The following AGO1 variants were observed in gnomAD, a reference collection of about 807,000 sequenced individuals.
AGO1 encodes argonaute RISC component 1, also known as protein argonaute-1.
Under a neutral mutation model 109.2 loss-of-function variants are expected in AGO1, and 11 were observed. The observed-to-expected ratio is 0.10, with a 90% CI of 0.06 to 0.17. AGO1 has a LOEUF of 0.17. Ranked by LOEUF, AGO1 falls within the 10% of genes least tolerant of loss-of-function variation. The probability of loss-of-function intolerance (pLI) is 1.00; values close to 1 mark genes in which losing one functional copy is unlikely to be tolerated. For missense variants in AGO1, 574 were observed against 1,140.3 expected (o/e 0.50, Z 7.15); for synonymous variants, 422 against 418.6 (o/e 1.01, Z -0.10).
At chr1:35,881,673 G>A (rs538938821), upstream of AGO1, among the ~76,000 whole-genome samples, 6 of 152,328 alleles carry the variant, frequency 3.9e-5, no homozygotes, top group South Asian at 1.0e-3. Context: ...GTTGCTGTTT[G>A]AGAACCTCTA....
At chr1:35,886,755 T>C (rs1645127255) in intron 1 of AGO1, among the ~76,000 whole-genome samples, 1 of 152,204 alleles carries the variant, frequency 6.6e-6, no homozygotes, top group Admixed American at 6.5e-5. Context: ...GTGCTGTGTG[T>C]GCTTGTGTGT....
upstream of AGO1, among the ~76,000 whole-genome samples, chr1:35,882,567 C>T (rs1280124041): frequency 6.6e-6 from 1 of 152,178 alleles, no homozygotes; most frequent in Non-Finnish European, 1.5e-5. This position sits in a 1 kb window ranked among gnomAD's most constrained non-coding sequence, Gnocchi z 5.1. Context: ...ATTGACAGTT[C>T]AGGCATGAAC....
At chr1:35,912,857 C>G (rs1362994212) in intron 12 of AGO1, among the ~76,000 whole-genome samples, 1 of 152,170 alleles carries the variant, frequency 6.6e-6, no homozygotes, top group Non-Finnish European at 1.5e-5. Flanking sequence ...CAGGCGTAAG[C>G]CACCGTGCCC....
rs557703795 is a variant in AGO1 at position 35,890,243 on chromosome 1, A to T, written c.209+1633A>T. On this transcript the variant is annotated intron_variant, in intron 2 of 18. Coordinates refer to ENST00000373204, the MANE Select transcript of AGO1 (RefSeq NM_012199.5). ...TCACTATGTTGGCCAGGCTGGTCTC[A>T]AACTCCTGACCTCAAGCAGTCTGCC... Among the ~76,000 whole-genome samples the T allele has an allele frequency of 1.1e-3, 161 of 152,004 alleles. 1 individual carries two copies. The highest frequency in any genetic ancestry group is 1.9e-3 in the Non-Finnish European group (129 of 67,960).
At chr1:35,872,475 C>T (rs920440685) in intron 1 of AGO1, among the ~76,000 whole-genome samples, 5 of 152,114 alleles carry the variant, frequency 3.3e-5, no homozygotes, top group Admixed American at 6.6e-5. Flanking sequence ...TGTGAGCCAC[C>T]GCGCCTGGCC....
In AGO1 at chr1:35,919,369, C is replaced by G; in HGVS notation, c.2465+115C>G. ...CTGTCCAATTTGGTGTCATTGGGCT[C>G]GTCTGCCCAATCCTGGGTTGGGTTT... is the stretch of plus-strand genomic sequence containing the variant. On this transcript the variant is annotated intron_variant, in intron 18 of 18. Transcript: ENST00000373204. The surrounding 1 kb of genome is among the most constrained non-coding windows in gnomAD (Gnocchi z 6.6). 1 of 1,441,662 alleles carries G rather than the reference C, an allele frequency of 6.9e-7. No individual in the cohort carries two copies. The highest frequency in any genetic ancestry group is 1.3e-5 in the South Asian group (1 of 79,844). The allele number at this position is 1,441,662 out of a possible 1,614,324, so 89.3% of individuals were successfully genotyped here.
In AGO1 at chr1:35,921,560, G is replaced by C. The variant is rs1490230038; in HGVS notation, c.*1953G>C. On this transcript the variant is annotated 3_prime_UTR_variant, in exon 19 of 19. Coordinates refer to ENST00000373204, the MANE Select transcript of AGO1 (RefSeq NM_012199.5). ...AGACCTAGCCCAGGCTTGGAGGCCA[G>C]CTGGAGGAAGAAGGGTCTAAATCCT... The C allele has an allele frequency of 3.9e-5, 6 of 152,684 alleles. No individual in the cohort carries two copies. Among genetic ancestry groups the C allele is most frequent in the African/African-American group, 1.4e-4 (6 of 41,444 alleles). 9.5% of individuals were successfully genotyped at this position (152,684 alleles called of 1,614,324 possible).
chr1:35,883,576 T>G lies in AGO1; in HGVS notation c.25+130T>G. 7.5e-7 allele frequency: 1 copy of G among 1,337,262 alleles called. No individual in the cohort carries two copies. Among genetic ancestry groups the G allele is most frequent in the South Asian group, 1.8e-5 (1 of 56,604 alleles). 82.8% of individuals were successfully genotyped at this position (1,337,262 alleles called of 1,614,324 possible). A position where few individuals can be genotyped will look rare whatever the true frequency, so the allele number is the denominator to read the frequency against. ...GGGCTCTCCCACGATGGGGGCCCAG[T>G]TTGAAGGAGGCTGTGTGCAGTTCCG... On this transcript the variant is annotated intron_variant, in intron 1 of 18. Coordinates refer to ENST00000373204, the MANE Select transcript of AGO1 (RefSeq NM_012199.5). The surrounding 1 kb of genome is among the most constrained non-coding windows in gnomAD (Gnocchi z 5.4).
At chr1:35,918,158 C>T in intron 16 of AGO1, among the ~76,000 whole-genome samples, 164 bp from the exon 17 acceptor site, 1 of 152,194 alleles carries the variant, frequency 6.6e-6, no homozygotes, top group Non-Finnish European at 1.5e-5. Context: ...GAACACAGGT[C>T]TGTGTGACTT....
At chr1:35,912,763 G>A (rs1451785730) in intron 12 of AGO1, among the ~76,000 whole-genome samples, 1 of 151,704 alleles carries the variant, frequency 6.6e-6, no homozygotes, top group Non-Finnish European at 1.5e-5. Flanking sequence ...TAGTAGATAC[G>A]GGGTTTCACC....
At chr1:35,897,048 T>G (rs1270534352) in intron 8 of AGO1, among the ~76,000 whole-genome samples, 1 of 152,234 alleles carries the variant, frequency 6.6e-6, no homozygotes, top group Non-Finnish European at 1.5e-5. Flanking sequence ...CTATGTGTCA[T>G]ATACTCTCAG....
intron 1 of AGO1, among the ~76,000 whole-genome samples, chr1:35,886,573 C>T (rs1321683259): frequency 6.6e-6 from 1 of 152,100 alleles, no homozygotes; most frequent in Non-Finnish European, 1.5e-5. Flanking sequence ...AGTTATCTTT[C>T]TCCGAAGGCC....
At chr1:35,887,355 G>A (rs1330000956) in intron 1 of AGO1, among the ~76,000 whole-genome samples, 2 of 152,170 alleles carry the variant, frequency 1.3e-5, no homozygotes, top group Non-Finnish European at 2.9e-5. Context: ...CTACTGCCAA[G>A]AACAATAGCA....
chr1:35,915,210 A>G (rs1237438420), intron 14 of AGO1, 138 bp from the exon 15 acceptor site: 2 of 653,544 alleles, frequency 3.1e-6, no homozygotes, highest in Non-Finnish European at 5.2e-6. Context: ...TAGAATAGAG[A>G]TTGAAACCAG....
In AGO1 at chr1:35,888,523, A is replaced by G. The variant is rs926553379; in HGVS notation, c.122A>G (p.Asn41Ser). 2.5e-6 allele frequency: 4 copies of G among 1,614,202 alleles called. No homozygotes were observed. The highest frequency in any genetic ancestry group is 3.4e-6 in the Non-Finnish European group (4 of 1,180,028). ...TVGKPIKLLA[N>S]YFEVDIPKID... ...GGGAAACCAATCAAGCTCCTGGCCA[A>G]TTACTTTGAGGTGGACATCCCTAAG... The change falls in exon 2 of 19, where the codon AAT becomes AGT. Residue 41 changes from asparagine to serine, a missense_variant. By Grantham distance (46) the Asn-to-Ser change is conservative. Transcript: ENST00000373204. This position sits in a 1 kb window ranked among gnomAD's most constrained non-coding sequence, Gnocchi z 4.1.
At chr1:35,873,350 A>G (rs1644968516) in intron 1 of AGO1, 1 of 154,160 alleles carries the variant, frequency 6.5e-6, no homozygotes, top group Admixed American at 6.5e-5. Flanking sequence ...GCTTACTCTA[A>G]CACCTCAGAC....
upstream of AGO1, among the ~76,000 whole-genome samples, chr1:35,881,561 A>G (rs971675655): frequency 5.3e-5 from 8 of 152,200 alleles, no homozygotes; most frequent in African/African-American, 1.9e-4. Flanking sequence ...ACCTCAGGTG[A>G]TCCACCCGCC....
intron 16 of AGO1, 64 bp downstream of exon 16, chr1:35,917,791 G>A: frequency 6.4e-7 from 1 of 1,566,288 alleles, no homozygotes; most frequent in Non-Finnish European, 8.7e-7. Context: ...TAGAGAAGAA[G>A]CCCTTGAGAT....
intron 2 of AGO1, among the ~76,000 whole-genome samples, chr1:35,890,515 T>C (rs918672852): frequency 6.6e-6 from 1 of 152,252 alleles, no homozygotes; most frequent in Admixed American, 6.5e-5. Flanking sequence ...CTCATTCTTT[T>C]GCATAGGTTG....
Sources: gnomAD v4.1 joint callset for allele counts (sites outside exome capture counted in the v4.1 genomes callset) on GRCh38, gnomAD v4.1.1 for gene constraint, Gnocchi (gnomAD v3.1) non-coding constraint, MANE v1.5 for transcripts, NCBI Gene and HGNC (gene_info 2026-07-23, HGNC 2026-07-21) for gene names.